SNAPC3: variants seen among roughly 807,000 people sequenced by gnomAD.
SNAPC3 encodes the protein small nuclear RNA activating complex polypeptide 3.
A neutral mutation model predicts 47.7 loss-of-function variants in SNAPC3; 56 were observed. The observed-to-expected ratio is 1.18, with a 90% CI of 0.95 to 1.47. The LOEUF is 1.47. Among genes scored for constraint, SNAPC3 ranks in the 40% most tolerant of loss-of-function variants. The probability of loss-of-function intolerance (pLI) is 0.00; values close to 1 mark genes in which losing one functional copy is unlikely to be tolerated. For synonymous variants in SNAPC3, 235 were observed against 189.9 expected, an observed-to-expected ratio of 1.24 and a Z score of -1.95; for missense variants, 665 against 511.3, an observed-to-expected ratio of 1.30 and a Z score of -2.90.
At chr9:15,432,014 TATA>T (rs1006765040) in intron 2 of SNAPC3, 6 of 151,460 alleles carry the variant, frequency 4.0e-5, no homozygotes, top group African/African-American at 1.5e-4. Context: ...CGTATCTTGA[TATA>T]ATGTAAAGGT....
chr9:15,430,880 C>T (rs926503955), intron 2 of SNAPC3, among the ~76,000 whole-genome samples: 1 of 152,166 alleles, frequency 6.6e-6, no homozygotes, highest in Non-Finnish European at 1.5e-5. Flanking sequence ...TGCCACCTTT[C>T]ATGTAAGAAA....
At chr9:15,433,768 T>C (rs559756155) in intron 3 of SNAPC3, 132 bp downstream of exon 3, 190 of 540,270 alleles carry the variant, frequency 3.5e-4, no homozygotes, top group South Asian at 5.6e-4. Flanking sequence ...GAGAAACTCC[T>C]TTGAGTCTGG....
downstream of SNAPC3, among the ~76,000 whole-genome samples, chr9:15,466,463 C>G (rs191724039): frequency 1.3e-5 from 2 of 152,350 alleles, no homozygotes; most frequent in Non-Finnish European, 2.9e-5. Context: ...AGTGTGAATG[C>G]AAGTCATTAC....
At chr9:15,457,922 T>C (rs1294285584) in intron 7 of SNAPC3, 38 bp from the exon 8 acceptor site, 1 of 1,237,198 alleles carries the variant, frequency 8.1e-7, no homozygotes, top group Admixed American at 2.2e-5. Context: ...CACTTAATAT[T>C]TGTCACCTTA....
At chr9:15,461,696 A>G (rs1359731707), downstream of SNAPC3, 1 of 152,208 alleles carries the variant, frequency 6.6e-6, no homozygotes, top group East Asian at 1.9e-4. Context: ...CACATGGAAA[A>G]CTGACGAAAC....
At chr9:15,441,870 G>A (rs540558712) in intron 3 of SNAPC3, among the ~76,000 whole-genome samples, 9 of 151,858 alleles carry the variant, frequency 5.9e-5, no homozygotes, top group Non-Finnish European at 1.3e-4. Context: ...CGACAAAACC[G>A]CCATCGTCAT....
At chr9:15,439,370 C>T (rs2033117759) in intron 3 of SNAPC3, among the ~76,000 whole-genome samples, 1 of 152,094 alleles carries the variant, frequency 6.6e-6, no homozygotes, top group African/African-American at 2.4e-5. Context: ...TAATATCCTT[C>T]TTTGTCTATT....
At chr9:15,432,089 C>T (rs2032236731) in intron 2 of SNAPC3, 3 of 152,012 alleles carry the variant, frequency 2.0e-5, no homozygotes, top group Admixed American at 2.0e-4. Context: ...AATTCTGTAA[C>T]TATTTTATGT....
intron 2 of SNAPC3, among the ~76,000 whole-genome samples, chr9:15,432,184 A>G (rs566633654): frequency 1.3e-5 from 2 of 152,334 alleles, no homozygotes; most frequent in East Asian, 3.9e-4. Context: ...TAAACAAGGA[A>G]ATGTTAAAGG....
downstream of SNAPC3, chr9:15,463,485 C>G (rs953150152): frequency 7.8e-4 from 37 of 47,648 alleles, no homozygotes; most frequent in African/African-American, 3.3e-3. Context: ...ATTACACGTA[C>G]TTTTTGGAGG....
downstream of SNAPC3, chr9:15,465,527 T>TC (rs2035561440): frequency 6.4e-7 from 1 of 1,564,598 alleles, no homozygotes; most frequent in Non-Finnish European, 8.8e-7. Flanking sequence ...AACCTAGTTA[T>TC]CTAGTGTAGA....
rs1038607652 is a variant in SNAPC3, at chr9:15,460,557, A to G, written c.*691A>G. ...AGGCACCTGGCACCATGCCTGGCTAATTTTTGTATTTTTAGTAGAGACGGG... is the reference window on the plus strand; with the variant it reads ...AGGCACCTGGCACCATGCCTGGCTAGTTTTTGTATTTTTAGTAGAGACGGG... On this transcript the variant is annotated 3_prime_UTR_variant, in exon 9 of 9. Transcript: ENST00000380821. 3 of 152,148 alleles carry G rather than the reference A, an allele frequency of 2.0e-5. No homozygotes were observed. Among genetic ancestry groups the G allele is most frequent in the African/African-American group, 7.2e-5 (3 of 41,414 alleles). 9.4% of individuals were successfully genotyped at this position (152,148 alleles called of 1,614,324 possible).
intron 2 of SNAPC3, among the ~76,000 whole-genome samples, chr9:15,425,201 C>A (rs1262143420): frequency 2.0e-5 from 3 of 152,166 alleles, no homozygotes; most frequent in African/African-American, 7.2e-5. Flanking sequence ...CTGAAACATA[C>A]CACTTCTATG....
In SNAPC3 at chr9:15,433,719, G is replaced by T. The variant is rs143939733; in HGVS notation, c.477+83G>T. 5.7e-4 allele frequency: 483 copies of T among 849,876 alleles called. 2 individuals are homozygous for T. The African/African-American group carries it at 7.0e-3, about 12-fold the overall frequency. The allele number at this position is 849,876 out of a possible 1,614,324, so 52.6% of individuals were successfully genotyped here. ...GCTGAGGGTTAGTAATGACAGTATG[G>T]TAGCTTTATACTGGATATGCTTAGT... On this transcript the variant is annotated intron_variant, in intron 3 of 8. Transcript: ENST00000380821.
downstream of SNAPC3, chr9:15,465,513 T>C (rs1443015044): frequency 1.3e-6 from 2 of 1,540,210 alleles, no homozygotes; most frequent in East Asian, 4.6e-5. Flanking sequence ...ATTCCAGGTA[T>C]GTCAACCTAG....
intron 2 of SNAPC3, among the ~76,000 whole-genome samples, chr9:15,425,896 T>G (rs558115008): frequency 6.6e-6 from 1 of 152,148 alleles, no homozygotes; most frequent in Non-Finnish European, 1.5e-5. Flanking sequence ...AATTTCACTC[T>G]TGTTGCCCAG....
intron 2 of SNAPC3, among the ~76,000 whole-genome samples, chr9:15,430,611 AT>A: frequency 6.6e-6 from 1 of 152,298 alleles, no homozygotes; most frequent in East Asian, 1.9e-4. Context: ...CTCCAACAAT[AT>A]GAAAATACAT....
chr9:15,424,010 AC>A (rs1304653256), intron 2 of SNAPC3, 24 bp downstream of exon 2: 3 of 1,354,400 alleles, frequency 2.2e-6, no homozygotes. Flanking sequence ...GGTTTTTATG[AC>A]CTATTTATTT....
intron 5 of SNAPC3, among the ~76,000 whole-genome samples, 189 bp downstream of exon 5, chr9:15,447,433 T>C (rs2131893245): frequency 6.6e-6 from 1 of 152,350 alleles, no homozygotes; most frequent in East Asian, 1.9e-4. Flanking sequence ...TCTGTTTTGA[T>C]TTCTTCATCT....
Sources: gnomAD v4.1 joint callset for allele counts (sites outside exome capture counted in the v4.1 genomes callset) on GRCh38, gnomAD v4.1.1 for gene constraint, MANE v1.5 for transcripts, NCBI Gene and HGNC (gene_info 2026-07-23, HGNC 2026-07-21) for gene names.